Variants in BANK1 observed in about 807,000 individuals in gnomAD.
The protein encoded by BANK1 is B cell scaffold protein with ankyrin repeats 1, also known as B-cell scaffold protein with ankyrin repeats.
BANK1 carries 95 observed loss-of-function variants against 94.5 expected under a neutral mutation model. The ratio of observed to expected loss-of-function variants is 1.00; its 90% CI spans 0.85 to 1.19. The LOEUF (loss-of-function observed/expected upper bound fraction) is 1.19. BANK1 is among the 50% of genes most tolerant of loss of function. The pLI, the probability that BANK1 is intolerant of heterozygous loss-of-function variation, is 0.00. For synonymous variants in BANK1, 334 were observed against 308.4 expected (o/e 1.08, Z -0.87); for missense variants, 987 against 932.2 (o/e 1.06, Z -0.77).
Position 101,950,368 on chromosome 4 carries a change from A to G in BANK1, c.1206+32179A>G, listed in dbSNP as rs1029000708. 2.6e-5 allele frequency among the ~76,000 whole-genome samples: 4 copies of G among 152,138 alleles called. No homozygotes were observed. In the East Asian group the frequency reaches 7.7e-4, roughly 29 times the overall value. ...GTAAAGTAAGAGGTACTATTTGCAT[A>G]TAAAAGCTCTATGCAAATTCCTGAG... is the stretch of plus-strand genomic sequence containing the variant. On this transcript the variant is annotated intron_variant, in intron 7 of 16. Transcript: ENST00000322953.
chr4:102,028,491 C>G (rs1408879540), intron 9 of BANK1, among the ~76,000 whole-genome samples: 3 of 152,134 alleles, frequency 2.0e-5, no homozygotes, highest in Admixed American at 6.5e-5. Flanking sequence ...CTGAATCTTT[C>G]TATAATATCC....
chr4:102,035,543 G>C (rs1025156149), intron 10 of BANK1, among the ~76,000 whole-genome samples: 2 of 151,718 alleles, frequency 1.3e-5, no homozygotes, highest in Non-Finnish European at 2.9e-5. Context: ...AGCTACTTGG[G>C]AGGCTGAGGC....
intron 7 of BANK1, among the ~76,000 whole-genome samples, chr4:101,985,811 A>G (rs916429019): frequency 9.9e-5 from 15 of 152,140 alleles, no homozygotes; most frequent in African/African-American, 3.1e-4. Flanking sequence ...TTCTGACATT[A>G]ATTATAAATA....
intron 7 of BANK1, among the ~76,000 whole-genome samples, chr4:101,969,744 A>G (rs1724891776): frequency 6.6e-6 from 1 of 152,088 alleles, no homozygotes; most frequent in Non-Finnish European, 1.5e-5. Flanking sequence ...ATTTGTTACT[A>G]TGGATAGACT....
chr4:101,839,145 G>A (rs1047051452), intron 2 of BANK1, among the ~76,000 whole-genome samples: 15 of 152,124 alleles, frequency 9.9e-5, no homozygotes, highest in African/African-American at 3.6e-4. Flanking sequence ...TTGAGGATAT[G>A]TATTTTTAAC....
intron 3 of BANK1, among the ~76,000 whole-genome samples, chr4:101,860,735 G>A (rs999572184): frequency 1.3e-5 from 2 of 152,160 alleles, no homozygotes; most frequent in Non-Finnish European, 2.9e-5. Context: ...CCGGCCCTGA[G>A]TGAGGAATCT....
chr4:102,023,024 A>G (rs1340300879), intron 8 of BANK1, among the ~76,000 whole-genome samples: 1 of 152,196 alleles, frequency 6.6e-6, no homozygotes, highest in East Asian at 1.9e-4. Flanking sequence ...AACATTTAAT[A>G]TGATATATTA....
intron 7 of BANK1, among the ~76,000 whole-genome samples, chr4:101,953,408 T>G (rs1410666893): frequency 1.3e-5 from 2 of 152,088 alleles, no homozygotes; most frequent in Non-Finnish European, 2.9e-5. Flanking sequence ...ATATCAAAAT[T>G]AGTAGATGGC....
chr4:102,032,346 T>C (rs1727349227), intron 10 of BANK1: 1 of 152,232 alleles, frequency 6.6e-6, no homozygotes, highest in South Asian at 2.1e-4. Flanking sequence ...GATCTCTGTC[T>C]TGTTCTCTGT....
rs568208337 is a variant in BANK1, at chr4:102,074,702, T to G, written c.*703T>G. 3 of 152,192 alleles carry G rather than the reference T, an allele frequency of 2.0e-5. No homozygotes were observed. In the South Asian group the frequency reaches 6.2e-4, roughly 32 times the overall value. The allele number at this position is 152,192 out of a possible 1,614,324, so 9.4% of individuals were successfully genotyped here. ...CAATGTTATCGTCATATAATTTTCATGTACAAATGCCACAAATAAATTGAA... is the reference window on the plus strand; with the variant it reads ...CAATGTTATCGTCATATAATTTTCAGGTACAAATGCCACAAATAAATTGAA... On this transcript the variant is annotated 3_prime_UTR_variant, in exon 17 of 17. Coordinates refer to ENST00000322953, the MANE Select transcript of BANK1 (RefSeq NM_017935.5).
intron 2 of BANK1, among the ~76,000 whole-genome samples, chr4:101,845,735 T>C (rs11931658): frequency 0.3 from 45,883 of 152,142 alleles, 7,427 homozygotes; most frequent in Non-Finnish European, 0.35. Flanking sequence ...TAAATTGTCA[T>C]TTCTATGTAA....
Position 101,943,977 on chromosome 4 carries a change from A to G in BANK1, c.1206+25788A>G, listed in dbSNP as rs144354371. Reference sequence around the variant, plus strand: ...AAATAGTATATGCAGTTTGCTTTAAATAGTGCCTGGTATTTGTAGATAACC... The same window carrying G: ...AAATAGTATATGCAGTTTGCTTTAAGTAGTGCCTGGTATTTGTAGATAACC... On this transcript the variant is annotated intron_variant, in intron 7 of 16. Transcript: ENST00000322953. 9.7e-3 allele frequency among the ~76,000 whole-genome samples: 1,475 copies of G among 151,802 alleles called. 20 individuals carry two copies. The highest frequency in any genetic ancestry group is 0.013 in the Non-Finnish European group (886 of 67,842).
At chr4:101,907,265 A>C (rs760355424) in intron 6 of BANK1, among the ~76,000 whole-genome samples, 57 of 152,364 alleles carry the variant, frequency 3.7e-4, no homozygotes, top group Middle Eastern at 6.8e-3. Context: ...CAAGTCAATA[A>C]ATGTAATCCA....
intron 2 of BANK1, among the ~76,000 whole-genome samples, chr4:101,844,422 C>T (rs1727172223): frequency 1.3e-5 from 2 of 152,132 alleles, no homozygotes; most frequent in African/African-American, 4.8e-5. Flanking sequence ...AATGGCAAAC[C>T]AGGTGGGTCA....
intron 2 of BANK1, among the ~76,000 whole-genome samples, chr4:101,845,152 G>T (rs1156833189): frequency 6.6e-6 from 1 of 151,874 alleles, no homozygotes; most frequent in Non-Finnish European, 1.5e-5. Context: ...ATACTATTCC[G>T]TTCCATGATG....
In BANK1 at chr4:102,022,647, T is replaced by C. The variant is rs139563988; in HGVS notation, c.1285+1055T>C. On this transcript the variant is annotated intron_variant, in intron 8 of 16. Transcript: ENST00000322953. ...ATAGAAGGACTGCTGCTAAATAATGTATAGGACGCCTTCAATAGCAACTTC... is the reference window on the plus strand; with the variant it reads ...ATAGAAGGACTGCTGCTAAATAATGCATAGGACGCCTTCAATAGCAACTTC... Among the ~76,000 whole-genome samples, 383 of 152,268 alleles carry C rather than the reference T, an allele frequency of 2.5e-3. 2 individuals carry two copies. Among genetic ancestry groups the C allele is most frequent in the Admixed American group, 6.6e-3 (101 of 15,284 alleles).
At chr4:101,973,992 T>A (rs1725043630) in intron 7 of BANK1, among the ~76,000 whole-genome samples, 1 of 152,096 alleles carries the variant, frequency 6.6e-6, no homozygotes, top group Non-Finnish European at 1.5e-5. Flanking sequence ...ACAACATAGC[T>A]TTTTACCTGG....
At chr4:102,060,102 C>T (rs1434371046) in intron 11 of BANK1, 109 bp from the exon 12 acceptor site, 12 of 977,334 alleles carry the variant, frequency 1.2e-5, no homozygotes, top group Non-Finnish European at 1.8e-5. Flanking sequence ...TTTAACTGCT[C>T]ATAGAGAGTT....
chr4:101,792,272 C>A (rs923580682), intron 1 of BANK1, among the ~76,000 whole-genome samples: 2 of 145,886 alleles, frequency 1.4e-5, no homozygotes, highest in African/African-American at 4.9e-5. Flanking sequence ...CCGCCCCGCC[C>A]CTCCCAACTC....
Sources: allele counts gnomAD v4.1 joint callset (sites outside exome capture counted in the v4.1 genomes callset), GRCh38; gene constraint gnomAD v4.1.1; transcripts MANE v1.5; gene names NCBI Gene and HGNC (gene_info 2026-07-23, HGNC 2026-07-21).